The following TBC1D23 variants were observed in gnomAD, a reference collection of about 807,000 sequenced individuals.
The protein encoded by TBC1D23 is TBC1 domain family member 23.
Under a neutral mutation model 91.4 loss-of-function variants are expected in TBC1D23, and 55 were observed. The observed-to-expected ratio is 0.60, with a 90% CI of 0.48 to 0.75. The LOEUF is 0.75. Ranked by LOEUF, TBC1D23 falls within the 30% of genes least tolerant of loss-of-function variation. TBC1D23 has a pLI of 0.00. For missense variants in TBC1D23, 725 were observed against 836.1 expected, an observed-to-expected ratio of 0.87 and a Z score of 1.64; for synonymous variants, 289 against 281.0, an observed-to-expected ratio of 1.03 and a Z score of -0.28.
chr3:100,280,396 G>A (rs1305591916), intron 2 of TBC1D23, among the ~76,000 whole-genome samples: 1 of 152,052 alleles, frequency 6.6e-6, no homozygotes, highest in Non-Finnish European at 1.5e-5. Context: ...TTTTCCCTTT[G>A]TTTTCCTCTA....
At chr3:100,268,778 A>G (rs1270202062) in intron 1 of TBC1D23, among the ~76,000 whole-genome samples, 2 of 152,196 alleles carry the variant, frequency 1.3e-5, no homozygotes, top group African/African-American at 2.4e-5. Context: ...CCTCATATGT[A>G]TAGAAGGGAA....
At chr3:100,308,728 A>G (rs964760998) in intron 13 of TBC1D23, among the ~76,000 whole-genome samples, 1 of 152,206 alleles carries the variant, frequency 6.6e-6, no homozygotes, top group Non-Finnish European at 1.5e-5. Context: ...GCATTTTAAA[A>G]TGCTATTTAA....
At position 100,304,867 on chromosome 3, in the gene TBC1D23, A is replaced by T; in HGVS notation, c.1285A>T (p.Ile429Phe). 6.6e-7 allele frequency: 1 copy of T among 1,504,798 alleles called. No homozygotes were observed. 93.2% of individuals were successfully genotyped at this position (1,504,798 alleles called of 1,614,324 possible). A position where few individuals can be genotyped will look rare whatever the true frequency, so the allele number is the denominator to read the frequency against. ...ACAGAAAAACAAAGAATATGTGAGT[A>T]TTGCCAGTGGAGGATTTATGGGTAA... ...FLQKNKEYVS[I>F]ASGGFMALQQ... Residue 429 changes from isoleucine (I) to phenylalanine (F), a missense_variant, in exon 12 of 19, where the codon ATT becomes TTT. Coordinates refer to ENST00000394144, the MANE Select transcript of TBC1D23 (RefSeq NM_001199198.3).
intron 13 of TBC1D23, among the ~76,000 whole-genome samples, chr3:100,309,610 C>CTTTTT (rs71132518): frequency 0.13 from 14,708 of 115,156 alleles, 1,346 homozygotes; most frequent in Non-Finnish European, 0.19. Flanking sequence ...ATTCTACCTT[C>CTTTTT]TTTTTTTTTT....
intron 1 of TBC1D23, among the ~76,000 whole-genome samples, chr3:100,278,437 G>A (rs1284796019): frequency 1.3e-5 from 2 of 151,744 alleles, no homozygotes; most frequent in African/African-American, 2.4e-5. Context: ...CCAGGCTGGG[G>A]TGCAGTAGCA....
intron 5 of TBC1D23, among the ~76,000 whole-genome samples, chr3:100,291,634 AG>A (rs1394623281): frequency 2.6e-5 from 4 of 151,856 alleles, no homozygotes; most frequent in African/African-American, 7.2e-5. Context: ...TTTATTTAAA[AG>A]TAATTATAAA....
chr3:100,316,092 A>C lies in TBC1D23; in HGVS notation c.1599-7A>C. ...ATTATTTCTCTCCTAAAATTCTTTGAATATAGGCATGTGAGCAGCAGTGAC... is the reference window on the plus strand; with the variant it reads ...ATTATTTCTCTCCTAAAATTCTTTGCATATAGGCATGTGAGCAGCAGTGAC... On this transcript the variant is annotated splice_region_variant and splice_polypyrimidine_tract_variant and intron_variant, in intron 15 of 18. Transcript: ENST00000394144. 1 of 1,609,222 alleles carries C rather than the reference A, an allele frequency of 6.2e-7. No individual in the cohort carries two copies. The highest frequency in any genetic ancestry group is 8.5e-7 in the Non-Finnish European group (1 of 1,175,586).
chr3:100,299,189 TG>T (rs1399419987), intron 9 of TBC1D23, 49 bp from the exon 10 acceptor site: 4 of 1,219,146 alleles, frequency 3.3e-6, no homozygotes, highest in Non-Finnish European at 4.8e-6. Flanking sequence ...TGTTGTGCAA[TG>T]TGAACCTCAT....
intron 4 of TBC1D23, chr3:100,284,060 T>A: frequency 2.4e-6 from 1 of 416,912 alleles, no homozygotes; most frequent in East Asian, 3.8e-5. Flanking sequence ...GTGGGGAGAT[T>A]TAGGTCAAAA....
intron 4 of TBC1D23, among the ~76,000 whole-genome samples, chr3:100,288,798 G>A (rs1428973215): frequency 2.0e-5 from 3 of 152,168 alleles, no homozygotes; most frequent in African/African-American, 4.8e-5. Flanking sequence ...AAGCCTACTG[G>A]TCTAACTGAA....
intron 11 of TBC1D23, among the ~76,000 whole-genome samples, chr3:100,302,561 G>A (rs1479691294): frequency 6.6e-6 from 1 of 151,960 alleles, no homozygotes; most frequent in Admixed American, 6.6e-5. Flanking sequence ...GGATTATTAT[G>A]TTATTTGATC....
chr3:100,304,920 T>A, intron 12 of TBC1D23, 32 bp downstream of exon 12: 1 of 1,226,426 alleles, frequency 8.2e-7, no homozygotes. Context: ...TTTTTTCCTC[T>A]ATGTTTCAGA....
At chr3:100,298,421 A>G (rs1705346562) in intron 9 of TBC1D23, among the ~76,000 whole-genome samples, 1 of 152,232 alleles carries the variant, frequency 6.6e-6, no homozygotes, top group Non-Finnish European at 1.5e-5. Context: ...GTTTAGTTCC[A>G]TACAACTTAT....
At chr3:100,266,430 G>A (rs1329126272) in intron 1 of TBC1D23, among the ~76,000 whole-genome samples, 6 of 151,922 alleles carry the variant, frequency 3.9e-5, no homozygotes, top group South Asian at 2.1e-4. Flanking sequence ...CACCATGCCC[G>A]GCTAATTTTT....
Position 100,290,790 on chromosome 3 carries a change from GAA to G in TBC1D23, c.600+92_600+93del, listed in dbSNP as rs1208924284. The G allele has an allele frequency of 6.1e-6, 7 of 1,153,478 alleles. No individual in the cohort carries two copies. In the South Asian group the frequency reaches 7.1e-5, roughly 12 times the overall value. The allele number at this position is 1,153,478 out of a possible 1,614,324, so 71.5% of individuals were successfully genotyped here. A position where few individuals can be genotyped will look rare whatever the true frequency, so the allele number is the denominator to read the frequency against. On this transcript the variant is annotated intron_variant, in intron 5 of 18. Coordinates refer to ENST00000394144, the MANE Select transcript of TBC1D23 (RefSeq NM_001199198.3). ...GGTTTTTTTTTTCAAGGAAGAGAAAGAAAAGTCCTAATTATAGATCATTACTG... is the reference window on the plus strand; with the variant it reads ...GGTTTTTTTTTTCAAGGAAGAGAAAGAAGTCCTAATTATAGATCATTACTG...
rs577619814 is a variant in TBC1D23 at position 100,322,083 on chromosome 3, T to C, written c.2018+1112T>C. ...GAATATACTTACATTTTAATAAATA[T>C]AAATTTTTTAAAATTAATTAATTAA... On this transcript the variant is annotated intron_variant, in intron 18 of 18. Transcript: ENST00000394144. Among the ~76,000 whole-genome samples the C allele has an allele frequency of 4.0e-5, 6 of 149,126 alleles. No individual in the cohort carries two copies. The East Asian group carries it at 1.2e-3, about 31-fold the overall frequency.
intron 15 of TBC1D23, 92 bp from the exon 16 acceptor site, chr3:100,316,007 T>TTTGTGTGAATATTC (rs1705737384): frequency 9.5e-7 from 1 of 1,050,248 alleles, no homozygotes; most frequent in Non-Finnish European, 1.5e-6. Flanking sequence ...AAGGAATAAT[T>TTTGTGTGAATATTC]ACATTTTGTG....
chr3:100,291,874 T>C (rs1282144845), intron 5 of TBC1D23, among the ~76,000 whole-genome samples: 3 of 151,368 alleles, frequency 2.0e-5, no homozygotes, highest in East Asian at 3.9e-4. Context: ...TAAGCGATTC[T>C]TCTGCCTCAG....
chr3:100,308,476 C>CAAA (rs764339507), intron 13 of TBC1D23, among the ~76,000 whole-genome samples: 2 of 102,586 alleles, frequency 1.9e-5, no homozygotes, highest in Non-Finnish European at 2.0e-5. Flanking sequence ...GACTCCGTCT[C>CAAA]AAAAAAAAAA....
Sources: allele counts gnomAD v4.1 joint callset (sites outside exome capture counted in the v4.1 genomes callset), GRCh38; gene constraint gnomAD v4.1.1; transcripts MANE v1.5; gene names NCBI Gene and HGNC (gene_info 2026-07-23, HGNC 2026-07-21).